CERS3: variants seen among roughly 807,000 people sequenced by gnomAD.
The protein encoded by CERS3 is ceramide synthase 3, also known as LAG1 homolog, ceramide synthase 3.
In CERS3, 33 loss-of-function variants were observed where a neutral mutation model predicts 50.3. That is an observed-to-expected ratio of 0.66 (90% confidence interval 0.50 to 0.88). The LOEUF (loss-of-function observed/expected upper bound fraction) is 0.88, where lower values mean the gene tolerates loss of function less well. Among genes scored for constraint, CERS3 ranks in the 40% least tolerant of loss-of-function variants. The pLI is 0.00. For synonymous variants in CERS3, 176 were observed against 155.2 expected (o/e 1.13, Z -0.99); for missense variants, 470 against 460.3 (o/e 1.02, Z -0.19).
In CERS3 at chr15:100,405,022, A is replaced by G. The variant is rs564768602; in HGVS notation, c.1000-2157T>C. 7.9e-5 allele frequency among the ~76,000 whole-genome samples: 12 copies of G among 152,296 alleles called. No individual in the cohort carries two copies. In the East Asian group the frequency reaches 1.5e-3, roughly 20 times the overall value. On this transcript the variant is annotated intron_variant, in intron 11 of 11. Coordinates refer to ENST00000679737, the MANE Select transcript of CERS3 (RefSeq NM_001378789.1). The stretch of plus-strand genomic sequence containing the variant: ...CTTTAAAACTTTTAGAAGAAAACCC[A>G]TGACCTTGATCTGGGCAACGAGTTC...
At chr15:100,502,335 CT>C (rs2036038017) in intron 2 of CERS3, among the ~76,000 whole-genome samples, 1 of 150,476 alleles carries the variant, frequency 6.6e-6, no homozygotes, top group African/African-American at 2.4e-5. Flanking sequence ...TTATATGATC[CT>C]TCATTGCATT....
chr15:100,520,981 C>T (rs1596807034), intron 2 of CERS3, among the ~76,000 whole-genome samples: 2 of 152,208 alleles, frequency 1.3e-5, no homozygotes, highest in African/African-American at 4.8e-5. Flanking sequence ...CATACCACAG[C>T]TTACAATGTT....
Position 100,467,850 on chromosome 15 carries a change from T to TATATAGATAGATAGATAG in CERS3, c.845+1527_845+1528insCTATCTATCTATCTATAT, listed in dbSNP as rs145899470. ...ATATATATACGTGTATATATATATATATAGATAGATAGATAGATAGATAGA... is the reference window on the plus strand; with the variant it reads ...ATATATATACGTGTATATATATATATATATAGATAGATAGATAGATAGATAGATAGATAGATAGATAGA... On this transcript the variant is annotated intron_variant, in intron 10 of 11. Coordinates refer to ENST00000679737, the MANE Select transcript of CERS3 (RefSeq NM_001378789.1). 3.2e-3 allele frequency among the ~76,000 whole-genome samples: 296 copies of TATATAGATAGATAGATAG among 93,134 alleles called. 6 individuals are homozygous for TATATAGATAGATAGATAG. Among genetic ancestry groups the TATATAGATAGATAGATAG allele is most frequent in the African/African-American group, 9.0e-3 (242 of 26,810 alleles). 61.1% of individuals were successfully genotyped at this position (93,134 alleles called of 152,430 possible).
intron 1 of CERS3, among the ~76,000 whole-genome samples, chr15:100,535,746 G>A (rs2037058226): frequency 1.4e-5 from 2 of 139,954 alleles, no homozygotes; most frequent in Non-Finnish European, 3.1e-5. Flanking sequence ...ATGTGCACGG[G>A]AAGTGGGGAC....
rs1317566703 is a variant in CERS3 at position 100,402,639 on chromosome 15, G to A, written c.*74C>T. 2 of 1,486,536 alleles carry A rather than the reference G, an allele frequency of 1.3e-6. No individual in the cohort carries two copies. The highest frequency in any genetic ancestry group is 9.2e-7 in the Non-Finnish European group (1 of 1,089,912). The allele number at this position is 1,486,536 out of a possible 1,614,324, so 92.1% of individuals were successfully genotyped here. A position where few individuals can be genotyped will look rare whatever the true frequency, so the allele number is the denominator to read the frequency against. The stretch of plus-strand genomic sequence containing the variant: ...GAGGGAAGGGCAGAATGTGGGGTCG[G>A]TGTGGGGCCTGGAAGCCAGGCTGCC... On this transcript the variant is annotated 3_prime_UTR_variant, in exon 12 of 12. Transcript: ENST00000679737.
chr15:100,523,646 A>G (rs1478221963), intron 1 of CERS3, among the ~76,000 whole-genome samples: 3 of 148,832 alleles, frequency 2.0e-5, no homozygotes, highest in African/African-American at 7.5e-5. Context: ...GCTTGCAGTG[A>G]GCGGAGATTG....
chr15:100,434,040 G>A (rs1313512264), intron 11 of CERS3, among the ~76,000 whole-genome samples: 2 of 152,250 alleles, frequency 1.3e-5, no homozygotes, highest in Non-Finnish European at 2.9e-5. Context: ...AGGCCTCTGT[G>A]GAGAGCTATG....
At position 100,402,603 on chromosome 15, in the gene CERS3, G is replaced by A. The variant is rs890377663; in HGVS notation, c.*110C>T. On this transcript the variant is annotated 3_prime_UTR_variant, in exon 12 of 12. Coordinates refer to ENST00000679737, the MANE Select transcript of CERS3 (RefSeq NM_001378789.1). ...CACATCTTAGGTGGGAGGGAAGGCG[G>A]TGGTGAGAAAGAGGGAAGGGCAGAA... The A allele has an allele frequency of 3.5e-5, 37 of 1,044,842 alleles. No individual in the cohort carries two copies. The highest frequency in any genetic ancestry group is 5.0e-5 in the Non-Finnish European group (36 of 721,706). The allele number at this position is 1,044,842 out of a possible 1,614,324, so 64.7% of individuals were successfully genotyped here.
chr15:100,497,545 G>A (rs1205416802), intron 3 of CERS3, among the ~76,000 whole-genome samples: 1 of 151,394 alleles, frequency 6.6e-6, no homozygotes, highest in African/African-American at 2.4e-5. Context: ...ATCTCCTCAA[G>A]TGCTAGAAAT....
chr15:100,496,385 A>G (rs899784302), intron 3 of CERS3, among the ~76,000 whole-genome samples: 4 of 152,238 alleles, frequency 2.6e-5, no homozygotes, highest in African/African-American at 9.6e-5. Flanking sequence ...TAACATGAAA[A>G]AAATCTTAAA....
chr15:100,528,520 T>C (rs1402358742), intron 1 of CERS3, among the ~76,000 whole-genome samples: 1 of 152,168 alleles, frequency 6.6e-6, no homozygotes, highest in Admixed American at 6.6e-5. Context: ...CCGAGAGCAA[T>C]GCAGGTCAGG....
intron 10 of CERS3, among the ~76,000 whole-genome samples, chr15:100,456,737 A>G (rs947255952): frequency 6.6e-6 from 1 of 152,186 alleles, no homozygotes; most frequent in African/African-American, 2.4e-5. Context: ...ACCTGAGGTC[A>G]GGAGTTTGAG....
rs183750788 is a variant in CERS3, at chr15:100,440,779, T to C, written c.999+15114A>G. Among the ~76,000 whole-genome samples the C allele has an allele frequency of 1.8e-4, 28 of 152,370 alleles. No individual in the cohort carries two copies. The East Asian group carries it at 3.7e-3, about 20-fold the overall frequency. On this transcript the variant is annotated intron_variant, in intron 11 of 11. Coordinates refer to ENST00000679737, the MANE Select transcript of CERS3 (RefSeq NM_001378789.1). ...CGGTAAGCGGCCTCTTTTTACTGTC[T>C]TCTCGAACCTCTCTCGCTATCCCTC...
chr15:100,431,802 T>G (rs182643522), intron 11 of CERS3, among the ~76,000 whole-genome samples: 11 of 152,310 alleles, frequency 7.2e-5, no homozygotes, highest in African/African-American at 2.6e-4. Context: ...CCTGGCTGTA[T>G]TTTTCTATTA....
chr15:100,527,673 G>A (rs764408902), intron 1 of CERS3, among the ~76,000 whole-genome samples: 30 of 152,138 alleles, frequency 2.0e-4, no homozygotes, highest in East Asian at 1.7e-3. Flanking sequence ...TCAATTCCTC[G>A]TCTGAAAGTG....
intron 10 of CERS3, among the ~76,000 whole-genome samples, chr15:100,467,276 A>G (rs537062873): frequency 1.4e-3 from 205 of 145,088 alleles, no homozygotes; most frequent in Middle Eastern, 3.4e-3. Context: ...GCCAAGGCCA[A>G]TCGACTCCTA....
At chr15:100,437,199 C>T (rs1167900514) in intron 11 of CERS3, among the ~76,000 whole-genome samples, 1 of 152,132 alleles carries the variant, frequency 6.6e-6, no homozygotes, top group Non-Finnish European at 1.5e-5. Flanking sequence ...CCTGCCTTGG[C>T]CTCCCAAAGT....
chr15:100,496,826 G>C (rs1187128538), intron 3 of CERS3, among the ~76,000 whole-genome samples: 1 of 152,118 alleles, frequency 6.6e-6, no homozygotes, highest in Non-Finnish European at 1.5e-5. Context: ...AGTTATGAAT[G>C]ATCATTTAGT....
chr15:100,499,041 A>T (rs1256394452), intron 3 of CERS3, among the ~76,000 whole-genome samples: 2 of 152,240 alleles, frequency 1.3e-5, no homozygotes, highest in East Asian at 3.8e-4. Flanking sequence ...AGGTTACTCC[A>T]GCTACCCTAC....
Sources: allele counts gnomAD v4.1 joint callset (sites outside exome capture counted in the v4.1 genomes callset), GRCh38; gene constraint gnomAD v4.1.1; transcripts MANE v1.5; gene names NCBI Gene and HGNC (gene_info 2026-07-23, HGNC 2026-07-21).